Variants in MOK observed in about 807,000 individuals in gnomAD.
The protein encoded by MOK is MOK protein kinase, also known as MAPK/MAK/MRK overlapping kinase.
Under a neutral mutation model 54.2 loss-of-function variants are expected in MOK, and 59 were observed. The ratio of observed to expected loss-of-function variants is 1.09; its 90% CI spans 0.88 to 1.35. The LOEUF is 1.35. Ranked by LOEUF, MOK falls within the 40% of genes most tolerant of loss-of-function variation. MOK has a pLI of 0.00. For synonymous variants in MOK, 210 were observed against 202.7 expected, an observed-to-expected ratio of 1.04 and a Z score of -0.31; for missense variants, 517 against 526.2, an observed-to-expected ratio of 0.98 and a Z score of 0.17.
intron 4 of MOK, among the ~76,000 whole-genome samples, chr14:102,261,192 G>A (rs1009941019): frequency 3.4e-5 from 5 of 148,236 alleles, no homozygotes; most frequent in Admixed American, 6.8e-5. Context: ...GGGAGGCAGA[G>A]GTTGCAGTGA....
chr14:102,217,266 A>G, the MOK span, among the ~76,000 whole-genome samples: 51 of 152,340 alleles, frequency 3.3e-4, no homozygotes, highest in African/African-American at 1.2e-3. Flanking sequence ...GCTGGTCTCC[A>G]TCAGTGAACG....
At chr14:102,291,121 C>A (rs1476834944) in intron 1 of MOK, among the ~76,000 whole-genome samples, 1 of 152,140 alleles carries the variant, frequency 6.6e-6, no homozygotes, top group East Asian at 1.9e-4. Context: ...CAGGAGTGAG[C>A]CCCGCTGAGG....
At chr14:102,302,606 G>A (rs1182234875) in intron 1 of MOK, among the ~76,000 whole-genome samples, 3 of 151,216 alleles carry the variant, frequency 2.0e-5, no homozygotes, top group Non-Finnish European at 2.9e-5. Context: ...TAGTAGAGCC[G>A]GGGTTTCACC....
chr14:102,250,759 G>A (rs2066459743), intron 7 of MOK, 53 bp downstream of exon 7: 4 of 1,553,786 alleles, frequency 2.6e-6, no homozygotes, highest in African/African-American at 2.7e-5. Flanking sequence ...CACGAGCCTG[G>A]CTGCTGCACC....
rs145179674 is a variant in MOK, at chr14:102,232,611, C to T, written c.790G>A (p.Ala264Thr). Reference protein sequence around the residue: ...LSPQCLSLLHAMVAYDPDERI... With the variant: ...LSPQCLSLLHTMVAYDPDERI... ...TCATCGGGATCATAGGCCACCATTG[C>T]GTGCAGGAGGGAGAGGCATTGTGGG... Residue 264 changes from alanine (A) to threonine (T), a missense_variant, in exon 9 of 12, where the codon GCA (alanine) becomes ACA (threonine). Transcript: ENST00000361847. The surrounding 1 kb of genome is among the most constrained non-coding windows in gnomAD (Gnocchi z 5.1). The T allele has an allele frequency of 7.1e-4, 1,146 of 1,614,026 alleles. 13 individuals carry two copies. The highest frequency in any genetic ancestry group is 6.9e-3 in the South Asian group (628 of 91,074).
At chr14:102,233,313 G>A (rs1469626066) in intron 8 of MOK, 13 of 181,574 alleles carry the variant, frequency 7.2e-5, no homozygotes, top group South Asian at 6.3e-4. Flanking sequence ...TCCAGGCGTC[G>A]GTCCCGCCAG....
chr14:102,226,580 A>G (rs1409400100), downstream of MOK, among the ~76,000 whole-genome samples: 1 of 152,140 alleles, frequency 6.6e-6, no homozygotes, highest in East Asian at 1.9e-4. The surrounding 1 kb of genome is among the most constrained non-coding windows in gnomAD (Gnocchi z 4.8). Flanking sequence ...CTCTGCCCTC[A>G]GCCCTGGCCC....
intron 2 of MOK, among the ~76,000 whole-genome samples, chr14:102,266,681 C>T (rs753894685): frequency 4.6e-5 from 7 of 152,124 alleles, no homozygotes; most frequent in Non-Finnish European, 8.8e-5. Context: ...CTCCCGGGTT[C>T]AAGCGATTCT....
At position 102,238,003 on chromosome 14, in the gene MOK, T is replaced by C. The variant is rs2065373135; in HGVS notation, c.591-4214A>G. On this transcript the variant is annotated intron_variant, in intron 7 of 11. Transcript: ENST00000361847. This position sits in a 1 kb window ranked among gnomAD's most constrained non-coding sequence, Gnocchi z 4.8. ...ATTCGGTCTTGCCAAAAGTGCTCCC[T>C]TCAACCCAGCATCCTTACTCCCTGT... The C allele has an allele frequency of 1.3e-5, 2 of 152,284 alleles. No homozygotes were observed. Among genetic ancestry groups the C allele is most frequent in the Admixed American group, 6.5e-5 (1 of 15,282 alleles). The allele number at this position is 152,284 out of a possible 1,614,324, so 9.4% of individuals were successfully genotyped here.
the MOK span, among the ~76,000 whole-genome samples, chr14:102,219,155 C>T: frequency 7.2e-5 from 11 of 152,222 alleles, no homozygotes; most frequent in African/African-American, 2.2e-4. Flanking sequence ...GTCTGTTTCT[C>T]GTCTTCCTCT....
At chr14:102,217,018 G>A in the MOK span, among the ~76,000 whole-genome samples, 22 of 152,210 alleles carry the variant, frequency 1.4e-4, no homozygotes. Flanking sequence ...GAGACGAATG[G>A]ACCATCTAGA....
intron 7 of MOK, among the ~76,000 whole-genome samples, chr14:102,250,175 T>C (rs78472911): frequency 0.055 from 8,318 of 152,184 alleles, 291 homozygotes; most frequent in African/African-American, 0.1. Flanking sequence ...GGACCAGACT[T>C]TGACCCCTCA....
downstream of MOK, among the ~76,000 whole-genome samples, chr14:102,221,421 CAG>C (rs1035259071): frequency 2.6e-5 from 4 of 152,210 alleles, no homozygotes; most frequent in African/African-American, 9.6e-5. This position sits in a 1 kb window ranked among gnomAD's most constrained non-coding sequence, Gnocchi z 4.8. Context: ...TTCCTTCCTC[CAG>C]ACTGTCTGCG....
rs1217668562 is a variant in MOK, at chr14:102,245,389, TAAG to T, written c.590+5420_590+5422del. On this transcript the variant is annotated intron_variant, in intron 7 of 11. Coordinates refer to ENST00000361847, the MANE Select transcript of MOK (RefSeq NM_014226.3). This position sits in a 1 kb window ranked among gnomAD's most constrained non-coding sequence, Gnocchi z 4.3. The stretch of plus-strand genomic sequence containing the variant: ...TTTTATGTTATTTTTCTTATTAATA[TAAG>T]AAGACAGGAATGTCAGGCCTCTAAG... Among the ~76,000 whole-genome samples, 1 of 152,040 alleles carries T rather than the reference TAAG, an allele frequency of 6.6e-6. No homozygotes were observed. Among genetic ancestry groups the T allele is most frequent in the Non-Finnish European group, 1.5e-5 (1 of 68,020 alleles).
chr14:102,247,028 G>A (rs546452954), intron 7 of MOK, among the ~76,000 whole-genome samples: 1 of 151,876 alleles, frequency 6.6e-6, no homozygotes, highest in East Asian at 1.9e-4. Context: ...TGCAACGGCC[G>A]ACACCCCCAT....
In MOK at chr14:102,305,022, G is replaced by A. The variant is rs1197296042; in HGVS notation, c.-54C>T. ...TTGCCGACACTGGACGGAAAAGAAA[G>A]AAGCAGGAAGGTTGTCCCCCTGCTT... On this transcript the variant is annotated 5_prime_UTR_variant, in exon 1 of 12. Transcript: ENST00000361847. 8.1e-6 allele frequency: 13 copies of A among 1,595,574 alleles called. No individual in the cohort carries two copies. The highest frequency in any genetic ancestry group is 9.4e-6 in the Non-Finnish European group (11 of 1,170,656).
At chr14:102,275,563 CAAAA>C (rs35983579) in intron 2 of MOK, among the ~76,000 whole-genome samples, 1 of 71,508 alleles carries the variant, frequency 1.4e-5, no homozygotes, top group Non-Finnish European at 3.0e-5. Context: ...GACTCCATCT[CAAAA>C]AAAAAAAAAA....
chr14:102,262,172 G>C (rs1050242563), intron 4 of MOK, among the ~76,000 whole-genome samples: 1 of 152,034 alleles, frequency 6.6e-6, no homozygotes, highest in African/African-American at 2.4e-5. Flanking sequence ...TTGAGACAGA[G>C]TCTCGCTCTG....
downstream of MOK, among the ~76,000 whole-genome samples, chr14:102,226,925 C>G (rs2064274265): frequency 6.6e-6 from 1 of 152,120 alleles, no homozygotes; most frequent in African/African-American, 2.4e-5. The surrounding 1 kb of genome is among the most constrained non-coding windows in gnomAD (Gnocchi z 4.8). Context: ...GTGCCGGGCT[C>G]GACACTGCTT....
Sources: gnomAD v4.1 joint callset for allele counts (sites outside exome capture counted in the v4.1 genomes callset) on GRCh38, gnomAD v4.1.1 for gene constraint, Gnocchi (gnomAD v3.1) non-coding constraint, MANE v1.5 for transcripts, NCBI Gene and HGNC (gene_info 2026-07-23, HGNC 2026-07-21) for gene names.